The following SLC24A4 variants were observed in gnomAD, a reference collection of about 807,000 sequenced individuals.
SLC24A4 encodes the protein sodium/potassium/calcium exchanger 4.
In SLC24A4, 53 loss-of-function variants were observed where a neutral mutation model predicts 79.0. The ratio of observed to expected loss-of-function variants is 0.67; its 90% confidence interval spans 0.54 to 0.84. The LOEUF is 0.84. Among genes scored for constraint, SLC24A4 ranks in the 40% least tolerant of loss-of-function variants. The pLI is 0.00. For synonymous variants in SLC24A4, 323 were observed against 323.8 expected (o/e 1.00, Z 0.03); for missense variants, 731 against 822.0 (o/e 0.89, Z 1.35).
At chr14:92,351,498 C>T (rs778617811) in intron 2 of SLC24A4, among the ~76,000 whole-genome samples, 9 of 152,182 alleles carry the variant, frequency 5.9e-5, no homozygotes, top group Non-Finnish European at 1.2e-4. Context: ...TTTCTTCTGC[C>T]TCCACTAAAT....
chr14:92,327,704 T>C (rs1164767691), intron 2 of SLC24A4, among the ~76,000 whole-genome samples: 1 of 152,224 alleles, frequency 6.6e-6, no homozygotes, highest in Non-Finnish European at 1.5e-5. Flanking sequence ...CCCTTTCTTA[T>C]GATAGAGTTC....
In SLC24A4 at chr14:92,493,573, T is replaced by TA. The variant is rs1276670784; in HGVS notation, c.1815dup (p.Glu606ArgfsTer3). 1 of 1,614,044 alleles carries TA rather than the reference T, an allele frequency of 6.2e-7. No individual in the cohort carries two copies. Among genetic ancestry groups the TA allele is most frequent in the Non-Finnish European group, 8.5e-7 (1 of 1,180,044 alleles). ...ATCTTCTTGTGCTTCTCCATAATGA[T>TA]AGAGTTTAACGTCTTTACCTTCGTC... On this transcript the variant is annotated frameshift_variant, in exon 17 of 17. Transcript: ENST00000532405. LOFTEE classifies it high-confidence loss of function.
chr14:92,486,646 C>T lies in SLC24A4; in HGVS notation c.1423-20C>T. On this transcript the variant is annotated intron_variant, in intron 13 of 16. Coordinates refer to ENST00000532405, the MANE Select transcript of SLC24A4 (RefSeq NM_153646.4). The stretch of plus-strand genomic sequence containing the variant: ...CACACTGTTGGTTGAGAGTTCATGT[C>T]TCCACCCCACATTCTGCAGGTGACT... The T allele has an allele frequency of 6.6e-7, 1 of 1,524,576 alleles. No homozygotes were observed. The highest frequency in any genetic ancestry group is 1.4e-5 in the African/African-American group (1 of 73,276). 94.4% of individuals were successfully genotyped at this position (1,524,576 alleles called of 1,614,324 possible).
intron 12 of SLC24A4, among the ~76,000 whole-genome samples, chr14:92,479,209 A>G (rs986598421): frequency 3.3e-5 from 5 of 152,164 alleles, no homozygotes; most frequent in Non-Finnish European, 7.3e-5. Flanking sequence ...TTTCTTGGCT[A>G]TAATCTCTAG....
intron 2 of SLC24A4, among the ~76,000 whole-genome samples, chr14:92,340,986 T>C (rs11160059): frequency 0.98 from 149,183 of 152,286 alleles, 73,132 homozygotes; most frequent in East Asian, 1. Context: ...CTTTCTCAGG[T>C]GGACAACCAG....
Position 92,333,228 on chromosome 14 carries a change from G to A in SLC24A4, c.241+7250G>A, listed in dbSNP as rs972499401. Among the ~76,000 whole-genome samples the A allele has an allele frequency of 2.0e-5, 3 of 152,052 alleles. No homozygotes were observed. In the East Asian group the frequency reaches 5.8e-4, roughly 29 times the overall value. Reference sequence around the variant, plus strand: ...CCTGCCTCAGCCTCCCAAGTAGCTGGGATTACAGGCGCCCACCACCATACC... The same window carrying A: ...CCTGCCTCAGCCTCCCAAGTAGCTGAGATTACAGGCGCCCACCACCATACC... On this transcript the variant is annotated intron_variant, in intron 2 of 16. Transcript: ENST00000532405.
At position 92,418,762 on chromosome 14, in the gene SLC24A4, C is replaced by T. The variant is rs545050680; in HGVS notation, c.242-15150C>T. ...TATCCCCCAGGCTGGAGTGCAGTGG[C>T]GTGATCTCGGCTCACTGCAACCTCT... On this transcript the variant is annotated intron_variant, in intron 2 of 16. Coordinates refer to ENST00000532405, the MANE Select transcript of SLC24A4 (RefSeq NM_153646.4). Among the ~76,000 whole-genome samples, 15 of 152,240 alleles carry T rather than the reference C, an allele frequency of 9.9e-5. No individual in the cohort carries two copies. The East Asian group carries it at 1.2e-3, about 12-fold the overall frequency.
chr14:92,441,502 C>T lies in SLC24A4; in HGVS notation c.394-587C>T, dbSNP rs147382637. On this transcript the variant is annotated intron_variant, in intron 4 of 16. Transcript: ENST00000532405. This position sits in a 1 kb window ranked among gnomAD's most constrained non-coding sequence, Gnocchi z 4.6. ...CCTTCCAGAATGCAAGGCCCAGCTG[C>T]AGGCCAGAGGCCTCCAGATCCACAA... Among the ~76,000 whole-genome samples, 67 of 152,344 alleles carry T rather than the reference C, an allele frequency of 4.4e-4. No homozygotes were observed. The highest frequency in any genetic ancestry group is 1.5e-3 in the African/African-American group (64 of 41,584).
chr14:92,349,242 C>T (rs949428705), intron 2 of SLC24A4, among the ~76,000 whole-genome samples: 2 of 151,762 alleles, frequency 1.3e-5, no homozygotes, highest in African/African-American at 2.4e-5. Flanking sequence ...TCACTGCAAA[C>T]TCCACCTCTT....
chr14:92,429,425 C>T (rs897394025), intron 2 of SLC24A4, among the ~76,000 whole-genome samples: 2 of 152,076 alleles, frequency 1.3e-5, no homozygotes, highest in African/African-American at 2.4e-5. Flanking sequence ...TATACACATA[C>T]GTTCATTCAT....
chr14:92,474,882 G>A, intron 12 of SLC24A4, among the ~76,000 whole-genome samples: 1 of 82,872 alleles, frequency 1.2e-5, no homozygotes, highest in East Asian at 4.5e-4. Flanking sequence ...TTTTTTAGTA[G>A]ACACAGGGTT....
At position 92,443,490 on chromosome 14, in the gene SLC24A4, G is replaced by A. The variant is rs745957317; in HGVS notation, c.657+16G>A. 2 of 1,613,908 alleles carry A rather than the reference G, an allele frequency of 1.2e-6. No individual in the cohort carries two copies. The highest frequency in any genetic ancestry group is 1.7e-6 in the Non-Finnish European group (2 of 1,179,816). ...GCTCATCGTGGTGAGTTGCCCCTCT[G>A]CCCCCAAGGTCAGGTTGGCTGGGAC... is the stretch of plus-strand genomic sequence containing the variant. On this transcript the variant is annotated intron_variant, in intron 7 of 16. Coordinates refer to ENST00000532405, the MANE Select transcript of SLC24A4 (RefSeq NM_153646.4).
Position 92,454,089 on chromosome 14 carries a change from C to T in SLC24A4, c.1050+20C>T. The T allele has an allele frequency of 6.2e-7, 1 of 1,608,298 alleles. No individual in the cohort carries two copies. Among genetic ancestry groups the T allele is most frequent in the Non-Finnish European group, 8.5e-7 (1 of 1,177,300 alleles). On this transcript the variant is annotated intron_variant, in intron 11 of 16. Coordinates refer to ENST00000532405, the MANE Select transcript of SLC24A4 (RefSeq NM_153646.4). ...AATGAGGTGAGTTTGCTTGAAGGAC[C>T]ATAAAAGTGAGCAGCCTTGGATGCA...
At chr14:92,374,475 G>A (rs1310922384) in intron 2 of SLC24A4, among the ~76,000 whole-genome samples, 2 of 152,216 alleles carry the variant, frequency 1.3e-5, no homozygotes, top group Non-Finnish European at 2.9e-5. Context: ...GTAAATGGAA[G>A]CTTCTCTGAG....
intron 2 of SLC24A4, among the ~76,000 whole-genome samples, chr14:92,351,915 G>GAAGGA (rs11275208): frequency 0.57 from 79,621 of 140,136 alleles, 23,021 homozygotes; most frequent in East Asian, 0.76. Flanking sequence ...GGAAGGAAAG[G>GAAGGA]AAGGAAAGGA....
chr14:92,385,422 G>A (rs995947413), intron 2 of SLC24A4, among the ~76,000 whole-genome samples: 1 of 151,710 alleles, frequency 6.6e-6, no homozygotes, highest in African/African-American at 2.4e-5. Context: ...GCTTGAACCA[G>A]GGAGTTGGAG....
chr14:92,341,819 T>C (rs2141618834), intron 2 of SLC24A4, among the ~76,000 whole-genome samples: 1 of 152,334 alleles, frequency 6.6e-6, no homozygotes, highest in Non-Finnish European at 1.5e-5. Context: ...AATAGCTGTG[T>C]GGTTGCATCT....
chr14:92,467,060 C>G (rs1894168905), intron 12 of SLC24A4, among the ~76,000 whole-genome samples: 1 of 152,236 alleles, frequency 6.6e-6, no homozygotes, highest in African/African-American at 2.4e-5. Flanking sequence ...ACCTGCATCT[C>G]TCTCCCTCCC....
chr14:92,378,865 C>T (rs948511611), intron 2 of SLC24A4, among the ~76,000 whole-genome samples: 7 of 152,074 alleles, frequency 4.6e-5, no homozygotes, highest in East Asian at 1.9e-4. Context: ...GCCTGGGCAA[C>T]GTAGTGAGAC....
Sources: allele counts gnomAD v4.1 joint callset (sites outside exome capture counted in the v4.1 genomes callset), GRCh38; gene constraint gnomAD v4.1.1; non-coding constraint Gnocchi (gnomAD v3.1); transcripts MANE v1.5; gene names NCBI Gene and HGNC (gene_info 2026-07-23, HGNC 2026-07-21).